PRKCE: variants seen among roughly 807,000 people sequenced by gnomAD.
PRKCE encodes the protein protein kinase C epsilon type.
PRKCE carries 16 observed loss-of-function variants against 85.4 expected under a neutral mutation model. The ratio of observed to expected loss-of-function variants is 0.19; its 90% CI spans 0.13 to 0.28. PRKCE has a LOEUF of 0.28. PRKCE is among the 10% of genes least tolerant of loss of function. PRKCE has a pLI of 1.00. For missense variants in PRKCE, 573 were observed against 975.2 expected (o/e 0.59, Z 5.49); for synonymous variants, 388 against 371.5 (o/e 1.04, Z -0.51).
chr2:45,792,555 A>C (rs1687114240), intron 1 of PRKCE, among the ~76,000 whole-genome samples: 1 of 151,922 alleles, frequency 6.6e-6, no homozygotes, highest in African/African-American at 2.4e-5. Flanking sequence ...CGCAGGAGAG[A>C]TGCTGGCCGA....
chr2:45,657,291 C>T (rs1675423343), intron 1 of PRKCE, among the ~76,000 whole-genome samples: 1 of 151,066 alleles, frequency 6.6e-6, no homozygotes, highest in South Asian at 2.1e-4. Flanking sequence ...AGTCACACTG[C>T]TTGGACTTGA....
Position 46,159,491 on chromosome 2 carries a change from A to G in PRKCE, c.1921-115A>G. 1 of 1,147,242 alleles carries G rather than the reference A, an allele frequency of 8.7e-7. No homozygotes were observed. Among genetic ancestry groups the G allele is most frequent in the Admixed American group, 2.7e-5 (1 of 37,236 alleles). 71.1% of individuals were successfully genotyped at this position (1,147,242 alleles called of 1,614,324 possible). ...GATGTGGCCCTTGAAAGTGCAAAGA[A>G]CAGACTTGGGAGGCGATGCTGAAGA... On this transcript the variant is annotated intron_variant, in intron 13 of 14. Coordinates refer to ENST00000306156, the MANE Select transcript of PRKCE (RefSeq NM_005400.3). This position sits in a 1 kb window ranked among gnomAD's most constrained non-coding sequence, Gnocchi z 4.1.
rs1239886467 is a variant in PRKCE, at chr2:45,889,435, C to T, written c.412+46372C>T. On this transcript the variant is annotated intron_variant, in intron 2 of 14. Coordinates refer to ENST00000306156, the MANE Select transcript of PRKCE (RefSeq NM_005400.3). ...TCAACGATGAACTTGTGTCTTATAG[C>T]AAATCTCCCACTGATTTTGATTTTC... Among the ~76,000 whole-genome samples, 2 of 152,182 alleles carry T rather than the reference C, an allele frequency of 1.3e-5. 1 individual carries two copies. The highest frequency in any genetic ancestry group is 2.9e-5 in the Non-Finnish European group (2 of 68,030).
At chr2:46,018,610 G>A (rs1706372363) in intron 10 of PRKCE, among the ~76,000 whole-genome samples, 1 of 152,102 alleles carries the variant, frequency 6.6e-6, no homozygotes, top group Admixed American at 6.5e-5. Context: ...TTTATTAATT[G>A]TAGAAATTTT....
intron 2 of PRKCE, among the ~76,000 whole-genome samples, chr2:45,884,954 CATATAT>C (rs745477412): frequency 0.012 from 467 of 37,412 alleles, no homozygotes; most frequent in African/African-American, 0.024. Flanking sequence ...ATATGTGATC[CATATAT>C]ATATATATAT....
intron 2 of PRKCE, among the ~76,000 whole-genome samples, chr2:45,852,244 G>T (rs1423710010): frequency 1.3e-5 from 2 of 152,144 alleles, no homozygotes; most frequent in Non-Finnish European, 2.9e-5. Flanking sequence ...GAAAATAGTG[G>T]TGATGTTTAG....
chr2:45,967,081 TAAC>T (rs1701783013), intron 2 of PRKCE, among the ~76,000 whole-genome samples: 1 of 152,194 alleles, frequency 6.6e-6, no homozygotes, highest in Non-Finnish European at 1.5e-5. Flanking sequence ...GGTAAATGTT[TAAC>T]AACAACCTCC....
At chr2:46,112,901 AAAAATC>A (rs2104245516) in intron 11 of PRKCE, among the ~76,000 whole-genome samples, 1 of 152,268 alleles carries the variant, frequency 6.6e-6, no homozygotes, top group African/African-American at 2.4e-5. Context: ...TACTAAAAAG[AAAAATC>A]ACCAGTTGTA....
chr2:45,989,269 AT>A (rs1429447170), intron 6 of PRKCE, among the ~76,000 whole-genome samples: 1 of 152,178 alleles, frequency 6.6e-6, no homozygotes, highest in East Asian at 1.9e-4. Flanking sequence ...TTCCTAAAGA[AT>A]CTTCTTCCTC....
At chr2:45,968,097 C>A (rs1422169943) in intron 2 of PRKCE, among the ~76,000 whole-genome samples, 1 of 152,164 alleles carries the variant, frequency 6.6e-6, no homozygotes, top group Admixed American at 6.5e-5. Flanking sequence ...AAGGTTGACC[C>A]TTGTTCTTGG....
intron 14 of PRKCE, among the ~76,000 whole-genome samples, chr2:46,172,181 C>T (rs1287670179): frequency 6.6e-6 from 1 of 152,206 alleles, no homozygotes; most frequent in African/African-American, 2.4e-5. Flanking sequence ...TGGGAGCCTG[C>T]AAAGCCAGGC....
At chr2:45,881,013 C>T (rs959577078) in intron 2 of PRKCE, among the ~76,000 whole-genome samples, 60 of 151,948 alleles carry the variant, frequency 3.9e-4, no homozygotes, top group East Asian at 1.9e-4. Context: ...ATTAGCTGGG[C>T]GTAGTGGCGG....
At chr2:46,103,210 A>G (rs1211077513) in intron 11 of PRKCE, among the ~76,000 whole-genome samples, 3 of 152,224 alleles carry the variant, frequency 2.0e-5, no homozygotes, top group Non-Finnish European at 4.4e-5. Flanking sequence ...TGGGAGCTCC[A>G]TTAGGTGGCT....
intron 1 of PRKCE, among the ~76,000 whole-genome samples, chr2:45,823,172 C>A (rs1384587168): frequency 6.6e-6 from 1 of 152,204 alleles, no homozygotes; most frequent in Non-Finnish European, 1.5e-5. Context: ...ATGGACTCCA[C>A]TAGGGCTTTG....
chr2:45,664,620 C>G (rs1675827535), intron 1 of PRKCE, among the ~76,000 whole-genome samples: 1 of 152,180 alleles, frequency 6.6e-6, no homozygotes, highest in Admixed American at 6.5e-5. Flanking sequence ...ACACTTGGTT[C>G]TTTTTAAACA....
chr2:45,947,330 C>T (rs568181735), intron 2 of PRKCE, among the ~76,000 whole-genome samples: 9 of 151,802 alleles, frequency 5.9e-5, no homozygotes, highest in Admixed American at 3.9e-4. Context: ...GAGAGGCAGG[C>T]GTGAATGAGG....
rs146375497 is a variant in PRKCE, at chr2:45,991,014, CT to C, written c.823+6346del. On this transcript the variant is annotated intron_variant, in intron 6 of 14. Transcript: ENST00000306156. Reference sequence around the variant, plus strand: ...TTCTTTCTTCCTTTCTTTCTTTCTTCTTTTTTTTTTTTGACAGAGTCTCACT... The same window carrying C: ...TTCTTTCTTCCTTTCTTTCTTTCTTCTTTTTTTTTTTGACAGAGTCTCACT... Among the ~76,000 whole-genome samples, 276 of 140,626 alleles carry C rather than the reference CT, an allele frequency of 2.0e-3. 1 individual carries two copies. The highest frequency in any genetic ancestry group is 4.2e-3 in the Middle Eastern group (1 of 240). 92.3% of individuals were successfully genotyped at this position (140,626 alleles called of 152,430 possible).
At chr2:46,024,648 T>G (rs1191292025) in intron 10 of PRKCE, among the ~76,000 whole-genome samples, 2 of 152,174 alleles carry the variant, frequency 1.3e-5, no homozygotes, top group African/African-American at 4.8e-5. Context: ...GTTTGTGGCC[T>G]TCCCTGGACT....
At position 46,159,772 on chromosome 2, in the gene PRKCE, C is replaced by A; in HGVS notation, c.2067+20C>A. On this transcript the variant is annotated intron_variant, in intron 14 of 14. Transcript: ENST00000306156. This position sits in a 1 kb window ranked among gnomAD's most constrained non-coding sequence, Gnocchi z 4.1. ...CGCATTGTAAGTTGGTCCCCGTGCACGTTCAGCACCATGGGTCGGGCCCAG... is the reference window on the plus strand; with the variant it reads ...CGCATTGTAAGTTGGTCCCCGTGCAAGTTCAGCACCATGGGTCGGGCCCAG... 1.3e-6 allele frequency: 2 copies of A among 1,598,430 alleles called. No individual in the cohort carries two copies. Among genetic ancestry groups the A allele is most frequent in the Non-Finnish European group, 1.7e-6 (2 of 1,179,546 alleles).
Sources: allele counts gnomAD v4.1 joint callset (sites outside exome capture counted in the v4.1 genomes callset), GRCh38; gene constraint gnomAD v4.1.1; non-coding constraint Gnocchi (gnomAD v3.1); transcripts MANE v1.5; gene names NCBI Gene and HGNC (gene_info 2026-07-23, HGNC 2026-07-21).